Variants in FREM3 observed in about 807,000 individuals in gnomAD.
The protein encoded by FREM3 is FRAS1 related extracellular matrix 3.
In FREM3, 105 loss-of-function variants were observed where a neutral mutation model predicts 129.1. The ratio of observed to expected loss-of-function variants is 0.81; its 90% CI spans 0.69 to 0.96. The LOEUF is 0.96. FREM3 is among the 40% of genes least tolerant of loss of function. FREM3 has a pLI of 0.00. For missense variants in FREM3, 2,593 were observed against 2,666.3 expected, an observed-to-expected ratio of 0.97 and a Z score of 0.61; for synonymous variants, 1,014 against 1,044.9, an observed-to-expected ratio of 0.97 and a Z score of 0.57.
At chr4:143,645,981 T>C (rs992823744) in intron 2 of FREM3, among the ~76,000 whole-genome samples, 1 of 152,246 alleles carries the variant, frequency 6.6e-6, no homozygotes, top group African/African-American at 2.4e-5. Context: ...GAGCATTTTG[T>C]ATATGTATTC....
rs186644175 is a variant in FREM3 at position 143,685,850 on chromosome 4, A to G, written c.5275+7263T>C. On this transcript the variant is annotated intron_variant, in intron 2 of 7. Transcript: ENST00000329798. ...ACAGCTGTGGGGGGCACATCACACA[A>G]CAGGGCCTGTCAGGGGGTGGGGGCC... Among the ~76,000 whole-genome samples, 460 of 150,252 alleles carry G rather than the reference A, an allele frequency of 3.1e-3. 2 individuals carry two copies. Among genetic ancestry groups the G allele is most frequent in the African/African-American group, 0.011 (442 of 40,724 alleles).
At chr4:143,668,449 T>C (rs1022406348) in intron 2 of FREM3, among the ~76,000 whole-genome samples, 5 of 152,258 alleles carry the variant, frequency 3.3e-5, no homozygotes, top group African/African-American at 1.2e-4. Flanking sequence ...CAGAAACTTC[T>C]GTTTGCATGT....
intron 2 of FREM3, among the ~76,000 whole-genome samples, chr4:143,662,596 G>C (rs1302320351): frequency 2.6e-5 from 4 of 151,148 alleles, no homozygotes. Context: ...ATGTCTATTA[G>C]GTCCGCTTGG....
chr4:143,594,644 A>G (rs1738434889), intron 6 of FREM3, among the ~76,000 whole-genome samples: 1 of 152,226 alleles, frequency 6.6e-6, no homozygotes, highest in Non-Finnish European at 1.5e-5. Flanking sequence ...GAAAGGTAAA[A>G]AACATTTGGA....
intron 5 of FREM3, among the ~76,000 whole-genome samples, chr4:143,613,050 G>A (rs948383201): frequency 2.0e-5 from 3 of 152,188 alleles, no homozygotes; most frequent in Non-Finnish European, 4.4e-5. Flanking sequence ...ATAGATCTAA[G>A]TTGCTAAAAA....
intron 7 of FREM3, among the ~76,000 whole-genome samples, chr4:143,581,756 C>T (rs1172370389): frequency 6.6e-6 from 1 of 152,152 alleles, no homozygotes; most frequent in Non-Finnish European, 1.5e-5. Flanking sequence ...GGCTCAAGAC[C>T]ACAGCACAGC....
At chr4:143,628,031 CA>C (rs996425896) in intron 2 of FREM3, among the ~76,000 whole-genome samples, 5 of 152,050 alleles carry the variant, frequency 3.3e-5, no homozygotes, top group African/African-American at 1.2e-4. Context: ...TCCAAAGAGC[CA>C]GAGCTTGGTA....
intron 2 of FREM3, among the ~76,000 whole-genome samples, chr4:143,687,990 A>T (rs151059905): frequency 6.6e-6 from 1 of 152,194 alleles, no homozygotes; most frequent in Non-Finnish European, 1.5e-5. Flanking sequence ...CCTCTTCAAC[A>T]TAGTACTGGA....
At chr4:143,632,509 A>G (rs1026696042) in intron 2 of FREM3, among the ~76,000 whole-genome samples, 2 of 152,180 alleles carry the variant, frequency 1.3e-5, no homozygotes, top group African/African-American at 4.8e-5. Context: ...CTTGGTCTCC[A>G]TTCCCTTCGG....
chr4:143,676,219 A>C (rs1356630596), intron 2 of FREM3, among the ~76,000 whole-genome samples: 2 of 152,132 alleles, frequency 1.3e-5, no homozygotes, highest in East Asian at 3.8e-4. Flanking sequence ...CATCCCTGGG[A>C]TGCAAGGCTG....
At chr4:143,656,993 G>A (rs1210740189) in intron 2 of FREM3, among the ~76,000 whole-genome samples, 2 of 152,036 alleles carry the variant, frequency 1.3e-5, no homozygotes, top group African/African-American at 2.4e-5. Context: ...ATTGTTTAGG[G>A]TTTTATATAC....
intron 2 of FREM3, among the ~76,000 whole-genome samples, chr4:143,676,540 A>T (rs1461954912): frequency 6.6e-6 from 1 of 152,220 alleles, no homozygotes; most frequent in East Asian, 1.9e-4. Flanking sequence ...AGTTCTGGCC[A>T]GGGCAATCAG....
chr4:143,627,107 G>A (rs1739052067), intron 3 of FREM3, among the ~76,000 whole-genome samples: 1 of 152,146 alleles, frequency 6.6e-6, no homozygotes, highest in Admixed American at 6.5e-5. Flanking sequence ...TCTGTACTAG[G>A]TCCTTGTAGA....
At chr4:143,603,516 ATCCATTT>A (rs1472788946) in intron 6 of FREM3, among the ~76,000 whole-genome samples, 2 of 152,162 alleles carry the variant, frequency 1.3e-5, no homozygotes, top group Admixed American at 1.3e-4. Flanking sequence ...GACATAGTTG[ATCCATTT>A]AATACATTCT....
At chr4:143,661,963 A>T (rs149603828) in intron 2 of FREM3, among the ~76,000 whole-genome samples, 9 of 151,618 alleles carry the variant, frequency 5.9e-5, no homozygotes, top group African/African-American at 2.2e-4. Context: ...TATTGCATCT[A>T]TTTGATTCTT....
intron 7 of FREM3, among the ~76,000 whole-genome samples, chr4:143,584,938 T>A (rs1308361205): frequency 2.0e-5 from 3 of 152,190 alleles, no homozygotes; most frequent in Non-Finnish European, 4.4e-5. Flanking sequence ...TCTCAGATTA[T>A]ATAACAATAA....
chr4:143,627,757 C>T lies in FREM3; in HGVS notation c.5279G>A (p.Gly1760Glu), dbSNP rs1476407626. The T allele has an allele frequency of 1.2e-5, 19 of 1,534,470 alleles. No individual in the cohort carries two copies. Among genetic ancestry groups the T allele is most frequent in the Non-Finnish European group, 1.7e-5 (19 of 1,144,886 alleles). ...GAAAGGCTGATTTGTTAGTTTATTT[C>T]CTCCTGCAATTGATAGGGGCAAAGG... Reference protein sequence around the residue: ...IFYFSVEDNGGNKLTNQPFHL... With the variant: ...IFYFSVEDNGENKLTNQPFHL... Residue 1760 changes from glycine (G) to glutamate (E), a missense_variant, in exon 3 of 8, where the codon GGA becomes GAA. Physicochemically the swap from Gly to Glu is moderately conservative, Grantham distance 98 (BLOSUM62 -2). Transcript: ENST00000329798.
At chr4:143,695,103 A>G (rs1740540797) in intron 1 of FREM3, among the ~76,000 whole-genome samples, 1 of 152,228 alleles carries the variant, frequency 6.6e-6, no homozygotes, top group South Asian at 2.1e-4. Context: ...AACATCTTCA[A>G]AAACCTGGAC....
intron 6 of FREM3, among the ~76,000 whole-genome samples, chr4:143,608,321 A>G (rs1390054136): frequency 6.6e-6 from 1 of 152,164 alleles, no homozygotes; most frequent in Non-Finnish European, 1.5e-5. Flanking sequence ...TTGGTTAAGA[A>G]GCTGTCTCAT....
Sources: allele counts gnomAD v4.1 joint callset (sites outside exome capture counted in the v4.1 genomes callset), GRCh38; gene constraint gnomAD v4.1.1; transcripts MANE v1.5; gene names NCBI Gene and HGNC (gene_info 2026-07-23, HGNC 2026-07-21).